EPB41L2: variants seen among roughly 807,000 people sequenced by gnomAD.
EPB41L2 encodes erythrocyte membrane protein band 4.1 like 2.
EPB41L2 carries 43 observed loss-of-function variants against 113.0 expected under a neutral mutation model. That is an observed-to-expected ratio of 0.38 (90% CI 0.30 to 0.49). EPB41L2 has a LOEUF of 0.49. Ranked by LOEUF, EPB41L2 falls within the 20% of genes least tolerant of loss-of-function variation. The pLI is 0.95. For synonymous variants in EPB41L2, 442 were observed against 436.7 expected, an observed-to-expected ratio of 1.01 and a Z score of -0.15; for missense variants, 1,147 against 1,223.4, an observed-to-expected ratio of 0.94 and a Z score of 0.93.
At chr6:131,004,004 A>G (rs889774070) in intron 1 of EPB41L2, among the ~76,000 whole-genome samples, 4 of 152,220 alleles carry the variant, frequency 2.6e-5, no homozygotes, top group African/African-American at 9.7e-5. Context: ...TATCAGCTTT[A>G]AACTTTTTAT....
At chr6:130,903,045 G>A (rs191736568) in intron 6 of EPB41L2, among the ~76,000 whole-genome samples, 111 of 152,246 alleles carry the variant, frequency 7.3e-4, no homozygotes, top group African/African-American at 2.6e-3. Context: ...AGTTAGCTGA[G>A]CAGACTATAT....
intron 14 of EPB41L2, among the ~76,000 whole-genome samples, chr6:130,873,325 C>G (rs1786362595): frequency 6.6e-6 from 1 of 152,192 alleles, no homozygotes; most frequent in African/African-American, 2.4e-5. Flanking sequence ...GTGTCTGGCT[C>G]TTAAACAATG....
chr6:130,966,866 T>C (rs185803000), intron 1 of EPB41L2, among the ~76,000 whole-genome samples: 1 of 152,250 alleles, frequency 6.6e-6, no homozygotes, highest in East Asian at 1.9e-4. Flanking sequence ...AGCAGTAGCA[T>C]TAAGATGGCC....
intron 13 of EPB41L2, 159 bp from the exon 14 acceptor site, chr6:130,878,409 T>C (rs1366593663): frequency 1.4e-6 from 1 of 710,782 alleles, no homozygotes; most frequent in Non-Finnish European, 2.2e-6. Flanking sequence ...CATATTATTA[T>C]CTATGAGTAA....
At chr6:130,858,338 C>A (rs1332205818) in intron 18 of EPB41L2, 95 bp from the exon 19 acceptor site, 3 of 927,110 alleles carry the variant, frequency 3.2e-6, no homozygotes, top group African/African-American at 1.7e-5. Context: ...TCGGACCCAA[C>A]CTCAAGCCAA....
intron 1 of EPB41L2, among the ~76,000 whole-genome samples, chr6:131,046,292 TAA>T (rs1279649669): frequency 6.6e-6 from 1 of 151,936 alleles, no homozygotes; most frequent in Non-Finnish European, 1.5e-5. Flanking sequence ...AACAGACATA[TAA>T]GTTAGGATTT....
chr6:130,895,074 G>A lies in EPB41L2; in HGVS notation c.1282C>T (p.Leu428Phe). 1 of 1,613,868 alleles carries A rather than the reference G, an allele frequency of 6.2e-7. No individual in the cohort carries two copies. Among genetic ancestry groups the A allele is most frequent in the Non-Finnish European group, 8.5e-7 (1 of 1,179,828 alleles). Reference sequence around the variant, plus strand: ...CGCAGTCTGTCTTTGTAAATGAGAAGTCCATTAGCACACACGCCCAGCTTG... The same window carrying A: ...CGCAGTCTGTCTTTGTAAATGAGAAATCCATTAGCACACACGCCCAGCTTG... ...DIKLGVCANG[L>F]LIYKDRLRIN... Residue 428 changes from leucine (L) to phenylalanine (F), a missense_variant, in exon 9 of 20, where the codon CTT (leucine) becomes TTT (phenylalanine). Leu to Phe is a conservative substitution (Grantham distance 22, BLOSUM62 0). Transcript: ENST00000337057.
At chr6:130,851,942 T>A (rs1778868493) in intron 19 of EPB41L2, among the ~76,000 whole-genome samples, 1 of 152,178 alleles carries the variant, frequency 6.6e-6, no homozygotes, top group Non-Finnish European at 1.5e-5. Context: ...GCTTCATCAG[T>A]ACACAATTCA....
chr6:130,907,370 T>C (rs183104281), intron 5 of EPB41L2, among the ~76,000 whole-genome samples: 157 of 152,344 alleles, frequency 1.0e-3, no homozygotes, highest in African/African-American at 3.6e-3. Flanking sequence ...TCCTCTTCTT[T>C]TTCTCCCTTT....
chr6:130,912,206 G>C (rs867213913), intron 4 of EPB41L2, among the ~76,000 whole-genome samples: 1 of 152,048 alleles, frequency 6.6e-6, no homozygotes, highest in African/African-American at 2.4e-5. Flanking sequence ...CCACAAAACC[G>C]GTCCCTGTTG....
chr6:130,906,726 A>G (rs770994289), intron 5 of EPB41L2, among the ~76,000 whole-genome samples: 6 of 152,204 alleles, frequency 3.9e-5, no homozygotes, highest in Non-Finnish European at 8.8e-5. Context: ...CTAACTGCCT[A>G]TGAGCTGAAA....
chr6:130,944,805 C>A (rs988113918), intron 3 of EPB41L2, among the ~76,000 whole-genome samples: 1 of 152,072 alleles, frequency 6.6e-6, no homozygotes, highest in Non-Finnish European at 1.5e-5. Context: ...TTATACGTGA[C>A]CAAGAGTGGA....
At chr6:130,939,053 C>A (rs1809865620) in intron 3 of EPB41L2, among the ~76,000 whole-genome samples, 1 of 151,988 alleles carries the variant, frequency 6.6e-6, no homozygotes, top group Admixed American at 6.6e-5. Flanking sequence ...TGAAACCCAA[C>A]CATGAACACA....
chr6:130,850,005 G>A (rs377147499), intron 19 of EPB41L2, among the ~76,000 whole-genome samples: 29 of 152,214 alleles, frequency 1.9e-4, no homozygotes, highest in African/African-American at 5.3e-4. Flanking sequence ...AAGCCAAGGC[G>A]GGTGGATCAC....
intron 1 of EPB41L2, among the ~76,000 whole-genome samples, chr6:130,971,082 T>TA (rs1317043668): frequency 6.6e-6 from 1 of 152,046 alleles, no homozygotes; most frequent in Admixed American, 6.6e-5. Context: ...TTTGTAGAGA[T>TA]AGAGTCTCAC....
chr6:130,983,519 C>T (rs1265546936), intron 1 of EPB41L2, among the ~76,000 whole-genome samples: 2 of 137,328 alleles, frequency 1.5e-5, no homozygotes, highest in Middle Eastern at 3.8e-3. Flanking sequence ...CTACTATAGA[C>T]TTTTTTTTTT....
chr6:130,949,469 G>A (rs1199957608), intron 3 of EPB41L2, among the ~76,000 whole-genome samples: 1 of 152,136 alleles, frequency 6.6e-6, no homozygotes, highest in Non-Finnish European at 1.5e-5. Flanking sequence ...TAGGCATGGT[G>A]GCATATATCT....
chr6:130,886,165 G>A (rs898409447), intron 11 of EPB41L2, among the ~76,000 whole-genome samples: 9 of 152,170 alleles, frequency 5.9e-5, no homozygotes, highest in South Asian at 4.1e-4. Context: ...CCTAAGGGAA[G>A]CCTGGTCAAC....
At chr6:130,861,061 G>T (rs1326859777) in intron 18 of EPB41L2, among the ~76,000 whole-genome samples, 1 of 151,858 alleles carries the variant, frequency 6.6e-6, no homozygotes, top group African/African-American at 2.4e-5. Flanking sequence ...ATTTTAAGAT[G>T]CCTTTTTTAT....
Sources: gnomAD v4.1 joint callset for allele counts (sites outside exome capture counted in the v4.1 genomes callset) on GRCh38, gnomAD v4.1.1 for gene constraint, MANE v1.5 for transcripts, NCBI Gene and HGNC (gene_info 2026-07-23, HGNC 2026-07-21) for gene names.